PTPRD: variants seen among roughly 807,000 people sequenced by gnomAD.
The protein encoded by PTPRD is protein tyrosine phosphatase receptor type D, also known as receptor-type tyrosine-protein phosphatase delta.
A neutral mutation model predicts 214.5 loss-of-function variants in PTPRD; 34 were observed. The observed-to-expected ratio is 0.16, with a 90% CI of 0.12 to 0.21. The LOEUF (loss-of-function observed/expected upper bound fraction) is 0.21, where lower values mean the gene tolerates loss of function less well. PTPRD is among the 10% of genes least tolerant of loss of function. The pLI, the probability that PTPRD is intolerant of heterozygous loss-of-function variation, is 1.00. For missense variants in PTPRD, 2,545 were observed against 2,398.7 expected (o/e 1.06, Z -1.27); for synonymous variants, 1,128 against 845.7 (o/e 1.33, Z -5.79).
intron 9 of PTPRD, among the ~76,000 whole-genome samples, chr9:9,345,742 T>C (rs1307814480): frequency 1.3e-5 from 2 of 152,128 alleles, no homozygotes; most frequent in East Asian, 3.9e-4. Context: ...AACATTCGGT[T>C]CCTCCATTTT....
intron 5 of PTPRD, among the ~76,000 whole-genome samples, chr9:9,928,755 T>TACACACACACACAC (rs545488105): frequency 0.014 from 1,537 of 109,602 alleles, 32 homozygotes; most frequent in African/African-American, 0.054. Flanking sequence ...TCTCTCTCTC[T>TACACACACACACAC]ATACACACAC....
At chr9:8,663,649 AC>A (rs2097111875) in intron 12 of PTPRD, among the ~76,000 whole-genome samples, 1 of 151,690 alleles carries the variant, frequency 6.6e-6, no homozygotes, top group African/African-American at 2.4e-5. Context: ...CTACCACCAC[AC>A]CCGGCTAATT....
intron 3 of PTPRD, among the ~76,000 whole-genome samples, chr9:10,222,404 G>C (rs942178948): frequency 2.0e-5 from 3 of 151,976 alleles, no homozygotes; most frequent in Admixed American, 6.6e-5. Context: ...AATACTTTGG[G>C]TCAACTTTAC....
intron 10 of PTPRD, among the ~76,000 whole-genome samples, chr9:9,052,347 T>C (rs1003305132): frequency 6.6e-6 from 1 of 152,222 alleles, no homozygotes; most frequent in Non-Finnish European, 1.5e-5. Flanking sequence ...ATAACATCAT[T>C]GTATGAATAA....
At chr9:8,405,434 T>C (rs538098727) in intron 35 of PTPRD, among the ~76,000 whole-genome samples, 1 of 152,196 alleles carries the variant, frequency 6.6e-6, no homozygotes, top group Admixed American at 6.5e-5. Context: ...ATGGTACATT[T>C]CAACCAAATT....
At chr9:9,575,786 A>AAAGAT (rs1491489213) in intron 7 of PTPRD, among the ~76,000 whole-genome samples, 1 of 59,868 alleles carries the variant, frequency 1.7e-5, no homozygotes, top group Non-Finnish European at 3.5e-5. Flanking sequence ...AAAGAAAAAG[A>AAAGAT]AAAAAAAAAA....
At chr9:8,898,737 G>C (rs1326339853) in intron 11 of PTPRD, among the ~76,000 whole-genome samples, 1 of 152,002 alleles carries the variant, frequency 6.6e-6, no homozygotes, top group Non-Finnish European at 1.5e-5. Flanking sequence ...GACAAATATT[G>C]TTCAATTATT....
At chr9:9,957,226 A>T (rs1023353741) in intron 4 of PTPRD, among the ~76,000 whole-genome samples, 1 of 152,184 alleles carries the variant, frequency 6.6e-6, no homozygotes, top group African/African-American at 2.4e-5. Context: ...ACATTAACAG[A>T]GGCAAAGAAT....
intron 14 of PTPRD, among the ~76,000 whole-genome samples, chr9:8,547,031 C>T (rs967490705): frequency 1.3e-5 from 2 of 152,188 alleles, no homozygotes; most frequent in Non-Finnish European, 2.9e-5. Context: ...CACTGTCATA[C>T]CATTTTATCT....
chr9:9,182,678 A>C (rs1593079397), intron 10 of PTPRD, among the ~76,000 whole-genome samples: 1 of 152,014 alleles, frequency 6.6e-6, no homozygotes, highest in African/African-American at 2.4e-5. Context: ...TGGTAGATGA[A>C]ATGTTTATAT....
intron 9 of PTPRD, among the ~76,000 whole-genome samples, chr9:9,378,029 T>A (rs1236377674): frequency 6.6e-6 from 1 of 152,058 alleles, no homozygotes; most frequent in East Asian, 1.9e-4. Flanking sequence ...CATCAGTATT[T>A]CTCACCAGAC....
In PTPRD at chr9:10,418,435, G is replaced by A. The variant is rs187627674; in HGVS notation, c.-599-77418C>T. ...GCCTTCCTTCTACATTTAAAATGAA[G>A]CCTTCCCCTCTACACACACACACAC... On this transcript the variant is annotated intron_variant, in intron 2 of 45. Transcript: ENST00000381196. Among the ~76,000 whole-genome samples the A allele has an allele frequency of 5.2e-5, 7 of 135,338 alleles. No homozygotes were observed. In the East Asian group the frequency reaches 1.4e-3, roughly 27 times the overall value. The allele number at this position is 135,338 out of a possible 152,430, so 88.8% of individuals were successfully genotyped here.
At chr9:10,254,545 G>A (rs2498610) in intron 3 of PTPRD, among the ~76,000 whole-genome samples, 6 of 151,902 alleles carry the variant, frequency 3.9e-5, no homozygotes, top group African/African-American at 1.2e-4. Context: ...AAACGATTTA[G>A]CCCCATCAGC....
chr9:10,197,167 C>G (rs2154329744), intron 3 of PTPRD, among the ~76,000 whole-genome samples: 1 of 152,266 alleles, frequency 6.6e-6, no homozygotes, highest in African/African-American at 2.4e-5. Flanking sequence ...AAGACTGCCA[C>G]TCTGCACCCC....
intron 10 of PTPRD, among the ~76,000 whole-genome samples, chr9:9,100,208 C>G (rs2099789376): frequency 6.6e-6 from 1 of 151,994 alleles, no homozygotes; most frequent in Admixed American, 6.6e-5. Flanking sequence ...TGGCTTCTTA[C>G]CATAATTCAA....
intron 3 of PTPRD, among the ~76,000 whole-genome samples, chr9:10,119,715 A>G (rs948015753): frequency 1.3e-5 from 2 of 152,054 alleles, no homozygotes; most frequent in Non-Finnish European, 2.9e-5. Context: ...TGTGTTCCAC[A>G]GCAAGAAGGG....
chr9:9,606,764 A>T (rs189268167), intron 7 of PTPRD, among the ~76,000 whole-genome samples: 1 of 151,922 alleles, frequency 6.6e-6, no homozygotes, highest in East Asian at 1.9e-4. Flanking sequence ...TTCTTACTAA[A>T]TGGGTAGATA....
chr9:8,492,752 C>G lies in PTPRD; in HGVS notation c.2467+110G>C, dbSNP rs2097177361. On this transcript the variant is annotated intron_variant, in intron 27 of 45. Coordinates refer to ENST00000381196, the MANE Select transcript of PTPRD (RefSeq NM_002839.4). ...TAAAAACACAAAAGTTGACCATAGTCCATTTATTTCCTCTGATTTTACTAT... is the reference window on the plus strand; with the variant it reads ...TAAAAACACAAAAGTTGACCATAGTGCATTTATTTCCTCTGATTTTACTAT... 3 of 666,442 alleles carry G rather than the reference C, an allele frequency of 4.5e-6. No individual in the cohort carries two copies. In the South Asian group the frequency reaches 1.1e-4, roughly 25 times the overall value. The allele number at this position is 666,442 out of a possible 1,614,324, so 41.3% of individuals were successfully genotyped here. A position where few individuals can be genotyped will look rare whatever the true frequency, so the allele number is the denominator to read the frequency against.
intron 39 of PTPRD, among the ~76,000 whole-genome samples, chr9:8,356,111 A>T (rs932641741): frequency 6.6e-6 from 1 of 152,016 alleles, no homozygotes; most frequent in Non-Finnish European, 1.5e-5. Flanking sequence ...TTTGCTTTTC[A>T]TTTTTTTTAA....
Sources: allele counts gnomAD v4.1 joint callset (sites outside exome capture counted in the v4.1 genomes callset), GRCh38; gene constraint gnomAD v4.1.1; transcripts MANE v1.5; gene names NCBI Gene and HGNC (gene_info 2026-07-23, HGNC 2026-07-21).